CATSPERD: variants seen among roughly 807,000 people sequenced by gnomAD.
CATSPERD encodes the protein cation channel sperm-associated auxiliary subunit delta.
In CATSPERD, 86 loss-of-function variants were observed where a neutral mutation model predicts 98.1. The observed-to-expected ratio is 0.88, with a 90% CI of 0.74 to 1.05. The LOEUF is 1.05. Ranked by LOEUF, CATSPERD falls within the 50% of genes least tolerant of loss-of-function variation. CATSPERD has a pLI of 0.00. For synonymous variants in CATSPERD, 394 were observed against 390.2 expected (o/e 1.01, Z -0.12); for missense variants, 995 against 1,005.7 (o/e 0.99, Z 0.14).
chr19:5,745,554 G>A (rs1022049982), intron 8 of CATSPERD, among the ~76,000 whole-genome samples: 3 of 152,080 alleles, frequency 2.0e-5, no homozygotes, highest in African/African-American at 7.2e-5. Flanking sequence ...CTGGGAGATG[G>A]AGGTGGCAGT....
At chr19:5,767,746 C>T (rs1599587733) in intron 17 of CATSPERD, among the ~76,000 whole-genome samples, 2 of 149,062 alleles carry the variant, frequency 1.3e-5, no homozygotes, top group South Asian at 2.2e-4. Context: ...CATGAGCCAC[C>T]GCGCCTGGCC....
At chr19:5,730,500 G>A (rs2145692813) in intron 4 of CATSPERD, among the ~76,000 whole-genome samples, 1 of 151,258 alleles carries the variant, frequency 6.6e-6, no homozygotes, top group South Asian at 2.1e-4. Context: ...CTGAGATCGA[G>A]GCACTGCACT....
chr19:5,772,875 GACGGCCCAGTC>G lies in CATSPERD; in HGVS notation c.1852_1862del (p.Thr618GlyfsTer87). On this transcript the variant is annotated frameshift_variant, in exon 20 of 22. Coordinates refer to ENST00000381624, the MANE Select transcript of CATSPERD (RefSeq NM_152784.4). LOFTEE classifies it high-confidence loss of function. Reference sequence around the variant, plus strand: ...GGCAGTTCTCATACTCCTATTCCCTGACGGCCCAGTCGGCCATGTGTACCTCCCAGCCGCAG... The same window carrying G: ...GGCAGTTCTCATACTCCTATTCCCTGGGCCATGTGTACCTCCCAGCCGCAG... 1 of 1,614,094 alleles carries G rather than the reference GACGGCCCAGTC, an allele frequency of 6.2e-7. No individual in the cohort carries two copies. Among genetic ancestry groups the G allele is most frequent in the Non-Finnish European group, 8.5e-7 (1 of 1,180,008 alleles).
At chr19:5,738,292 A>T (rs2055886688) in intron 6 of CATSPERD, among the ~76,000 whole-genome samples, 1 of 150,490 alleles carries the variant, frequency 6.6e-6, no homozygotes, top group Admixed American at 6.7e-5. Context: ...CTGTAATCCC[A>T]GCTTACAAAT....
At chr19:5,745,872 T>G in intron 8 of CATSPERD, 41 bp from the exon 9 acceptor site, 2 of 1,606,030 alleles carry the variant, frequency 1.2e-6, no homozygotes, top group South Asian at 1.1e-5. Flanking sequence ...GACTCCACAG[T>G]AGGGTTTGGG....
chr19:5,768,983 A>G (rs982668798), intron 18 of CATSPERD, among the ~76,000 whole-genome samples: 6 of 151,820 alleles, frequency 4.0e-5, no homozygotes, highest in Admixed American at 1.3e-4. Flanking sequence ...GCAAAACCCC[A>G]TCTCTACTAA....
At chr19:5,738,544 A>G (rs2055894191) in intron 6 of CATSPERD, among the ~76,000 whole-genome samples, 1 of 151,976 alleles carries the variant, frequency 6.6e-6, no homozygotes, top group African/African-American at 2.4e-5. Flanking sequence ...ACAAAAACAA[A>G]CCAAAAAACA....
intron 20 of CATSPERD, among the ~76,000 whole-genome samples, chr19:5,774,199 CT>C (rs2056700595): frequency 6.6e-6 from 1 of 151,654 alleles, no homozygotes; most frequent in Non-Finnish European, 1.5e-5. Flanking sequence ...AACTCCTGAC[CT>C]TGTGATCCGC....
intron 19 of CATSPERD, 71 bp downstream of exon 19, chr19:5,771,143 C>T: frequency 5.3e-6 from 8 of 1,509,668 alleles, no homozygotes; most frequent in Middle Eastern, 2.2e-4. Context: ...CCTGGGGTAC[C>T]AGCCTGGCCC....
chr19:5,749,971 G>A (rs1226766940), intron 11 of CATSPERD, among the ~76,000 whole-genome samples: 1 of 150,914 alleles, frequency 6.6e-6, no homozygotes, highest in Non-Finnish European at 1.5e-5. Flanking sequence ...ACCAGGCTAA[G>A]TTTTGTAATT....
In CATSPERD at chr19:5,744,451, G is replaced by A. The variant is rs770610933; in HGVS notation, c.598G>A (p.Gly200Arg). 35 of 1,611,920 alleles carry A rather than the reference G, an allele frequency of 2.2e-5. No individual in the cohort carries two copies. The Admixed American group carries it at 3.2e-4, about 15-fold the overall frequency. ...RQAEIIGSLG[G>R]IFHFFSLSQV... ...GGCAGAAATCATTGGGTCTTTAGGC[G>A]GAATCTTCCACTTTTTTTCTTTGTC... Residue 200 changes from glycine to arginine, a missense_variant, in exon 8 of 22, where the codon GGA (glycine) becomes AGA (arginine). Coordinates refer to ENST00000381624, the MANE Select transcript of CATSPERD (RefSeq NM_152784.4).
chr19:5,757,020 C>T (rs566423882), intron 13 of CATSPERD, among the ~76,000 whole-genome samples: 2 of 152,188 alleles, frequency 1.3e-5, no homozygotes, highest in Admixed American at 1.3e-4. Context: ...GAGGCCGACA[C>T]AGGCATATCA....
intron 15 of CATSPERD, 37 bp from the exon 16 acceptor site, chr19:5,763,178 G>C (rs759627655): frequency 2.0e-6 from 3 of 1,530,384 alleles, no homozygotes; most frequent in Non-Finnish European, 2.7e-6. Context: ...TTACAGGGGT[G>C]CTATTCTCTA....
chr19:5,766,307 T>G, intron 17 of CATSPERD, 152 bp downstream of exon 17: 1 of 335,988 alleles, frequency 3.0e-6, no homozygotes. Flanking sequence ...AAAAAAAAAT[T>G]AGGCGTGGTG....
intron 4 of CATSPERD, among the ~76,000 whole-genome samples, chr19:5,730,861 C>T (rs545758094): frequency 2.2e-4 from 33 of 152,054 alleles, no homozygotes; most frequent in African/African-American, 6.7e-4. Context: ...ATTAGCTGGG[C>T]GTGGTGGCAG....
At chr19:5,754,087 G>A (rs750510540) in intron 12 of CATSPERD, 45 bp from the exon 13 acceptor site, 3 of 1,354,882 alleles carry the variant, frequency 2.2e-6, no homozygotes, top group Non-Finnish European at 2.1e-6. Flanking sequence ...CTTTCTTTAT[G>A]GGAACAGGAG....
intron 7 of CATSPERD, 94 bp downstream of exon 7, chr19:5,739,533 CTTTA>C: frequency 1.4e-6 from 1 of 710,626 alleles, no homozygotes; most frequent in Non-Finnish European, 2.4e-6. Context: ...GTGTTTTCCT[CTTTA>C]AGAGTCCAAC....
At chr19:5,747,465 G>T (rs994534028) in intron 9 of CATSPERD, among the ~76,000 whole-genome samples, 5 of 151,946 alleles carry the variant, frequency 3.3e-5, no homozygotes. Flanking sequence ...ACCAAACCCG[G>T]CCTGTTTTAT....
chr19:5,759,133 C>A lies in CATSPERD; in HGVS notation c.1416C>A (p.Asn472Lys). Reference sequence around the variant, plus strand: ...AGCACTGGGGCAGGACCGACTCCAACTTCACTTCCAGGTATGTTGTCTCCT... The same window carrying A: ...AGCACTGGGGCAGGACCGACTCCAAATTCACTTCCAGGTATGTTGTCTCCT... ...QQQHWGRTDS[N>K]FTSSLKKATM... Residue 472 changes from asparagine to lysine, a missense_variant, in exon 15 of 22, where the codon AAC (asparagine) becomes AAA (lysine). Asn to Lys is a moderately conservative substitution (Grantham distance 94, BLOSUM62 0). Coordinates refer to ENST00000381624, the MANE Select transcript of CATSPERD (RefSeq NM_152784.4). 1.2e-6 allele frequency: 2 copies of A among 1,613,942 alleles called. No individual in the cohort carries two copies. The highest frequency in any genetic ancestry group is 1.7e-6 in the Non-Finnish European group (2 of 1,179,940).
Sources: allele counts gnomAD v4.1 joint callset (sites outside exome capture counted in the v4.1 genomes callset), GRCh38; gene constraint gnomAD v4.1.1; transcripts MANE v1.5; gene names NCBI Gene and HGNC (gene_info 2026-07-23, HGNC 2026-07-21).